Variants in TBC1D1 observed in about 807,000 individuals in gnomAD.
TBC1D1 encodes the protein TBC1 domain family member 1, also known as TBC1 (tre-2/USP6, BUB2, cdc16) domain family, member 1.
Under a neutral mutation model 125.6 loss-of-function variants are expected in TBC1D1, and 89 were observed. The ratio of observed to expected loss-of-function variants is 0.71; its 90% confidence interval spans 0.60 to 0.85. The LOEUF (loss-of-function observed/expected upper bound fraction) is 0.85, where lower values mean the gene tolerates loss of function less well. Ranked by LOEUF, TBC1D1 falls within the 40% of genes least tolerant of loss-of-function variation. The pLI is 0.00. For synonymous variants in TBC1D1, 565 were observed against 564.1 expected, an observed-to-expected ratio of 1.00 and a Z score of -0.02; for missense variants, 1,377 against 1,469.2, an observed-to-expected ratio of 0.94 and a Z score of 1.03.
intron 2 of TBC1D1, among the ~76,000 whole-genome samples, chr4:37,959,999 T>C (rs2152330469): frequency 6.6e-6 from 1 of 152,336 alleles, no homozygotes; most frequent in East Asian, 1.9e-4. Flanking sequence ...AATGGAAGAC[T>C]TGCATTTATT....
chr4:37,908,745 C>T (rs533138278), intron 2 of TBC1D1, among the ~76,000 whole-genome samples: 3 of 152,264 alleles, frequency 2.0e-5, no homozygotes, highest in Admixed American at 6.5e-5. Context: ...GTTCCTCCCT[C>T]TCCCAAAAAG....
At chr4:38,028,953 A>C (rs1239114036) in intron 7 of TBC1D1, among the ~76,000 whole-genome samples, 2 of 152,166 alleles carry the variant, frequency 1.3e-5, no homozygotes, top group Non-Finnish European at 2.9e-5. Flanking sequence ...CTACAAAAAC[A>C]AAACAAAATT....
intron 2 of TBC1D1, among the ~76,000 whole-genome samples, chr4:37,926,152 A>C (rs1167948700): frequency 6.6e-6 from 1 of 152,232 alleles, no homozygotes; most frequent in African/African-American, 2.4e-5. Flanking sequence ...CACATGGAGA[A>C]AGTATACAGG....
At chr4:37,980,829 A>T (rs1235538320) in intron 2 of TBC1D1, among the ~76,000 whole-genome samples, 2 of 152,218 alleles carry the variant, frequency 1.3e-5, no homozygotes, top group African/African-American at 4.8e-5. Flanking sequence ...CTTTTTGTAT[A>T]TAAGCAGTGT....
At chr4:37,996,050 A>G (rs927197915) in intron 2 of TBC1D1, 18 of 516,058 alleles carry the variant, frequency 3.5e-5, no homozygotes, top group South Asian at 1.3e-4. Flanking sequence ...GGCAGCTACA[A>G]TGAGGGAATC....
chr4:38,108,012 A>G (rs997991917), intron 15 of TBC1D1, among the ~76,000 whole-genome samples: 1 of 152,176 alleles, frequency 6.6e-6, no homozygotes, highest in African/African-American at 2.4e-5. Context: ...GATGGTACTC[A>G]TCACATTATT....
chr4:37,931,532 C>A (rs1291161874), intron 2 of TBC1D1, among the ~76,000 whole-genome samples: 1 of 151,992 alleles, frequency 6.6e-6, no homozygotes, highest in Non-Finnish European at 1.5e-5. Flanking sequence ...GGCTAGAGTA[C>A]AGTGGTGCGA....
At chr4:38,105,747 T>C (rs944483896) in intron 15 of TBC1D1, among the ~76,000 whole-genome samples, 2 of 152,190 alleles carry the variant, frequency 1.3e-5, no homozygotes, top group African/African-American at 2.4e-5. Flanking sequence ...GCTGCATCCA[T>C]GTTGCTGCAA....
Position 38,130,624 on chromosome 4 carries a change from AG to A in TBC1D1, c.3133-2456del, listed in dbSNP as rs531602734. On this transcript the variant is annotated intron_variant, in intron 18 of 19. Transcript: ENST00000261439. ...AGATGAGAGCCAGTCCCCCTTGCAG[AG>A]GGGCCAGGTACCTTGCAGCTTTGTG... is the stretch of plus-strand genomic sequence containing the variant. 3.0e-4 allele frequency among the ~76,000 whole-genome samples: 45 copies of A among 152,296 alleles called. No homozygotes were observed. In the East Asian group the frequency reaches 7.3e-3, roughly 25 times the overall value.
At chr4:38,046,371 A>G (rs929764584) in intron 10 of TBC1D1, among the ~76,000 whole-genome samples, 1 of 103,270 alleles carries the variant, frequency 9.7e-6, no homozygotes, top group African/African-American at 5.7e-5. Flanking sequence ...GACTCTGTGT[A>G]AAAAAAAAAA....
At position 38,052,721 on chromosome 4, in the gene TBC1D1, C is replaced by T. The variant is rs1020972817; in HGVS notation, c.1911-1478C>T. Among the ~76,000 whole-genome samples the T allele has an allele frequency of 5.4e-4, 41 of 75,252 alleles. No homozygotes were observed. In the East Asian group the frequency reaches 0.011, roughly 20 times the overall value. 49.4% of individuals were successfully genotyped at this position (75,252 alleles called of 152,430 possible). On this transcript the variant is annotated intron_variant, in intron 11 of 19. Coordinates refer to ENST00000261439, the MANE Select transcript of TBC1D1 (RefSeq NM_015173.4). ...GCGTATATACACACACACGCGCGCG[C>T]GCGCGCGCACACACACACACACACA...
intron 11 of TBC1D1, among the ~76,000 whole-genome samples, chr4:38,052,697 C>T (rs1037771441): frequency 9.6e-5 from 14 of 145,434 alleles, no homozygotes; most frequent in Admixed American, 4.2e-4. Context: ...TACATGCATG[C>T]GTATATACAC....
At chr4:38,116,503 A>T (rs1204377280) in intron 16 of TBC1D1, among the ~76,000 whole-genome samples, 4 of 152,276 alleles carry the variant, frequency 2.6e-5, no homozygotes, top group African/African-American at 7.2e-5. Context: ...GCCAGAAATG[A>T]TCTTGTTTCC....
At chr4:38,114,601 C>T (rs921170622) in intron 15 of TBC1D1, among the ~76,000 whole-genome samples, 3 of 152,224 alleles carry the variant, frequency 2.0e-5, no homozygotes, top group East Asian at 1.9e-4. Flanking sequence ...GTTTCTTAAT[C>T]GTTTCAAGTA....
At chr4:38,012,942 T>C (rs12233786) in intron 2 of TBC1D1, among the ~76,000 whole-genome samples, 32,036 of 152,038 alleles carry the variant, frequency 0.21, 3,457 homozygotes, top group South Asian at 0.24. Flanking sequence ...TACAGGCACC[T>C]GCCACCACGC....
intron 1 of TBC1D1, among the ~76,000 whole-genome samples, chr4:37,899,594 A>ATT (rs1715397124): frequency 6.6e-6 from 1 of 151,760 alleles, no homozygotes; most frequent in African/African-American, 2.4e-5. Context: ...AATGTTACAA[A>ATT]GGTTAAATGA....
intron 13 of TBC1D1, among the ~76,000 whole-genome samples, chr4:38,093,107 A>G (rs1163061517): frequency 5.3e-5 from 8 of 152,168 alleles, no homozygotes; most frequent in African/African-American, 1.9e-4. Context: ...CTGCTGTACT[A>G]TGTACTTAGA....
At chr4:37,947,487 C>G (rs1726945563) in intron 2 of TBC1D1, among the ~76,000 whole-genome samples, 1 of 151,890 alleles carries the variant, frequency 6.6e-6, no homozygotes, top group Admixed American at 6.6e-5. Context: ...GAGACAGGGT[C>G]TCTCACTCTG....
chr4:38,048,074 CTT>C (rs1199057061), intron 10 of TBC1D1, among the ~76,000 whole-genome samples: 5 of 152,130 alleles, frequency 3.3e-5, no homozygotes, highest in African/African-American at 1.2e-4. Flanking sequence ...AGAGATGCAA[CTT>C]TTCAGAAGCT....
Sources: allele counts gnomAD v4.1 joint callset (sites outside exome capture counted in the v4.1 genomes callset), GRCh38; gene constraint gnomAD v4.1.1; transcripts MANE v1.5; gene names NCBI Gene and HGNC (gene_info 2026-07-23, HGNC 2026-07-21).